The following ENAH variants were observed in gnomAD, a reference collection of about 807,000 sequenced individuals.
ENAH encodes protein enabled homolog.
Under a neutral mutation model 78.7 loss-of-function variants are expected in ENAH, and 23 were observed. The observed-to-expected ratio is 0.29, with a 90% CI of 0.21 to 0.41. ENAH has a LOEUF of 0.41. Ranked by LOEUF, ENAH falls within the 10% of genes least tolerant of loss-of-function variation. The pLI, the probability that ENAH is intolerant of heterozygous loss-of-function variation, is 1.00. For synonymous variants in ENAH, 226 were observed against 241.0 expected (o/e 0.94, Z 0.58); for missense variants, 544 against 691.0 (o/e 0.79, Z 2.39).
At chr1:225,570,679 C>T (rs551918861) in intron 1 of ENAH, among the ~76,000 whole-genome samples, 1 of 151,938 alleles carries the variant, frequency 6.6e-6, no homozygotes, top group East Asian at 1.9e-4. Flanking sequence ...GAATATGGGC[C>T]AGGCGTGGTG....
intron 5 of ENAH, chr1:225,517,986 T>C: frequency 6.5e-7 from 1 of 1,540,304 alleles, no homozygotes; most frequent in South Asian, 1.2e-5. Flanking sequence ...TGTCTGAAGA[T>C]GGAGCTGGAC....
At chr1:225,645,958 G>A (rs1219768977) in intron 1 of ENAH, among the ~76,000 whole-genome samples, 1 of 152,100 alleles carries the variant, frequency 6.6e-6, no homozygotes, top group Non-Finnish European at 1.5e-5. Context: ...AAAGTTGCCT[G>A]TTAATAAAAC....
chr1:225,556,036 C>A (rs752088251), intron 2 of ENAH, among the ~76,000 whole-genome samples: 16 of 152,294 alleles, frequency 1.1e-4, no homozygotes, highest in Middle Eastern at 3.4e-3. Flanking sequence ...CCACTTGTTG[C>A]ATGCAGCTGT....
chr1:225,524,776 ATT>A, intron 4 of ENAH: 4 of 515,098 alleles, frequency 7.8e-6, no homozygotes, highest in African/African-American at 2.1e-5. Flanking sequence ...TATTAACTAT[ATT>A]AAGGTTCTAT....
intron 1 of ENAH, among the ~76,000 whole-genome samples, chr1:225,602,164 T>C (rs1045535466): frequency 2.0e-5 from 3 of 152,068 alleles, no homozygotes; most frequent in East Asian, 3.9e-4. Flanking sequence ...AGGATTTGAA[T>C]AGATTGAAAG....
chr1:225,511,915 C>A, intron 9 of ENAH, 56 bp from the exon 10 acceptor site: 1 of 1,207,292 alleles, frequency 8.3e-7, no homozygotes, highest in Non-Finnish European at 1.2e-6. Context: ...TTGCTATATA[C>A]ATTTAGTGTT....
intron 13 of ENAH, 136 bp downstream of exon 13, chr1:225,498,211 T>C (rs1294639700): frequency 7.3e-6 from 5 of 687,042 alleles, no homozygotes; most frequent in Non-Finnish European, 1.2e-5. Flanking sequence ...CCCAAAACCC[T>C]AATCCTAAAA....
chr1:225,520,058 C>T (rs1410556760), intron 4 of ENAH, among the ~76,000 whole-genome samples: 1 of 152,150 alleles, frequency 6.6e-6, no homozygotes, highest in Non-Finnish European at 1.5e-5. Flanking sequence ...CTTTGGGAGG[C>T]CGAGGCAGGT....
At chr1:225,541,316 T>TC (rs1308240056) in intron 3 of ENAH, among the ~76,000 whole-genome samples, 2 of 151,996 alleles carry the variant, frequency 1.3e-5, no homozygotes, top group African/African-American at 4.8e-5. Flanking sequence ...GTGCCTGTAA[T>TC]CCCAGCTACT....
chr1:225,588,251 C>T (rs1287281713), intron 1 of ENAH, among the ~76,000 whole-genome samples: 1 of 152,116 alleles, frequency 6.6e-6, no homozygotes, highest in Non-Finnish European at 1.5e-5. Flanking sequence ...AGAAAAAAAT[C>T]TACGAAACAT....
chr1:225,524,378 TG>T (rs1558755285), intron 4 of ENAH, among the ~76,000 whole-genome samples: 1 of 152,198 alleles, frequency 6.6e-6, no homozygotes, highest in African/African-American at 2.4e-5. Context: ...TTTAACAAAA[TG>T]AAGTAGGAAC....
Position 225,518,932 on chromosome 1 carries a change from A to G in ENAH, c.802+266T>C, listed in dbSNP as rs187523445. ...CCATAAAAACACACTTACACTTTAT[A>G]GCCATTTTATAGGGTGTTAGAAGAA... On this transcript the variant is annotated intron_variant, in intron 5 of 13. Transcript: ENST00000366843. 587 of 475,938 alleles carry G rather than the reference A, an allele frequency of 1.2e-3. 1 individual carries two copies. The highest frequency in any genetic ancestry group is 0.011 in the African/African-American group (564 of 51,536). The allele number at this position is 475,938 out of a possible 1,614,324, so 29.5% of individuals were successfully genotyped here.
At chr1:225,599,919 AAAGT>A (rs2096922454) in intron 1 of ENAH, among the ~76,000 whole-genome samples, 1 of 151,974 alleles carries the variant, frequency 6.6e-6, no homozygotes, top group African/African-American at 2.4e-5. Flanking sequence ...CTGTAGTAAT[AAAGT>A]AAGTTCTTGG....
chr1:225,600,615 T>C (rs988493569), intron 1 of ENAH, among the ~76,000 whole-genome samples: 2 of 151,932 alleles, frequency 1.3e-5, no homozygotes, highest in African/African-American at 4.8e-5. Context: ...CTGAGCACTT[T>C]GAGAAGCTGA....
intron 12 of ENAH, among the ~76,000 whole-genome samples, chr1:225,500,615 T>C (rs2096276452): frequency 6.6e-6 from 1 of 152,238 alleles, no homozygotes; most frequent in Admixed American, 6.5e-5. Flanking sequence ...AGCAGAAGTA[T>C]AGAAGAGTGC....
intron 1 of ENAH, among the ~76,000 whole-genome samples, chr1:225,625,706 G>T (rs534929259): frequency 2.0e-5 from 3 of 152,222 alleles, no homozygotes; most frequent in Middle Eastern, 3.4e-3. Context: ...TAGAGAGACA[G>T]GGTTTCACCA....
chr1:225,640,956 C>T (rs991631142), intron 1 of ENAH, among the ~76,000 whole-genome samples: 20 of 142,566 alleles, frequency 1.4e-4, no homozygotes, highest in Admixed American at 1.2e-3. Flanking sequence ...AGTGCAATGG[C>T]GCGATCTCGG....
At chr1:225,501,186 G>T (rs1026280499) in intron 11 of ENAH, 116 bp from the exon 12 acceptor site, 9 of 705,276 alleles carry the variant, frequency 1.3e-5, no homozygotes, top group African/African-American at 1.3e-4. Flanking sequence ...CTTTAAAAAA[G>T]CCATTTTCTT....
Position 225,488,396 on chromosome 1 carries a change from C to A in ENAH, c.*9379G>T, listed in dbSNP as rs2096208642. ...GAGAACTCAGAAGGCATTCACTCTG[C>A]CTGAAGTTGTGCTCTGCTCACAGCA... On this transcript the variant is annotated 3_prime_UTR_variant, in exon 14 of 14. Coordinates refer to ENST00000366843, the MANE Select transcript of ENAH (RefSeq NM_018212.6). 1 of 152,158 alleles carries A rather than the reference C, an allele frequency of 6.6e-6. No homozygotes were observed. The highest frequency in any genetic ancestry group is 2.1e-4 in the South Asian group (1 of 4,826). 9.4% of individuals were successfully genotyped at this position (152,158 alleles called of 1,614,324 possible).
Sources: gnomAD v4.1 joint callset for allele counts (sites outside exome capture counted in the v4.1 genomes callset) on GRCh38, gnomAD v4.1.1 for gene constraint, MANE v1.5 for transcripts, NCBI Gene and HGNC (gene_info 2026-07-23, HGNC 2026-07-21) for gene names.